Variants in HECW1 observed in about 807,000 individuals in gnomAD.
HECW1 encodes E3 ubiquitin-protein ligase HECW1.
Under a neutral mutation model 182.3 loss-of-function variants are expected in HECW1, and 61 were observed. That is an observed-to-expected ratio of 0.33 (90% CI 0.27 to 0.41). The LOEUF (loss-of-function observed/expected upper bound fraction) is 0.41, where lower values mean the gene tolerates loss of function less well. Ranked by LOEUF, HECW1 falls within the 10% of genes least tolerant of loss-of-function variation. The pLI, the probability that HECW1 is intolerant of heterozygous loss-of-function variation, is 1.00. For missense variants in HECW1, 1,739 were observed against 2,108.9 expected, an observed-to-expected ratio of 0.82 and a Z score of 3.44; for synonymous variants, 859 against 832.6, an observed-to-expected ratio of 1.03 and a Z score of -0.55.
chr7:43,119,238 T>G (rs575677900), intron 2 of HECW1: 67 of 152,366 alleles, frequency 4.4e-4, no homozygotes, highest in African/African-American at 1.5e-3. Context: ...CTGTTGTCAT[T>G]AGGGTCACCA....
At position 43,402,413 on chromosome 7, in the gene HECW1, T is replaced by A. The variant is rs1279039338; in HGVS notation, c.632-5149T>A. Among the ~76,000 whole-genome samples, 3 of 152,162 alleles carry A rather than the reference T, an allele frequency of 2.0e-5. No individual in the cohort carries two copies. The East Asian group carries it at 5.8e-4, about 29-fold the overall frequency. On this transcript the variant is annotated intron_variant, in intron 7 of 29. Transcript: ENST00000395891. ...GGTTTGAGCATACGAGCCACACCCC[T>A]GTTGCATGTCCTGTGAGGGGGGTCA...
chr7:43,119,568 G>A (rs570157565), intron 2 of HECW1, among the ~76,000 whole-genome samples: 1 of 152,236 alleles, frequency 6.6e-6, no homozygotes, highest in East Asian at 1.9e-4. Context: ...ATGATTCCAA[G>A]TTTATTTCGT....
At chr7:43,291,539 T>C (rs1272583195) in intron 3 of HECW1, among the ~76,000 whole-genome samples, 2 of 152,226 alleles carry the variant, frequency 1.3e-5, no homozygotes, top group East Asian at 3.8e-4. Flanking sequence ...AGCAGCTACA[T>C]AGGATAGGGC....
At chr7:43,315,796 G>A (rs1335476661) in intron 4 of HECW1, among the ~76,000 whole-genome samples, 2 of 152,096 alleles carry the variant, frequency 1.3e-5, no homozygotes, top group East Asian at 1.9e-4. Context: ...GCCTGGCCCT[G>A]TCCCATTATT....
intron 8 of HECW1, among the ~76,000 whole-genome samples, chr7:43,422,890 C>CG (rs2076234615): frequency 6.6e-6 from 1 of 151,196 alleles, no homozygotes; most frequent in African/African-American, 2.4e-5. Flanking sequence ...AGTGCCTGGC[C>CG]GAGAGTCGTC....
chr7:43,461,951 G>T (rs1207572219), intron 13 of HECW1, among the ~76,000 whole-genome samples: 1 of 152,210 alleles, frequency 6.6e-6, no homozygotes, highest in Non-Finnish European at 1.5e-5. Flanking sequence ...TAGAAATGCA[G>T]ATTTTTCTTT....
At chr7:43,128,189 T>C (rs569137951) in intron 2 of HECW1, among the ~76,000 whole-genome samples, 1 of 152,284 alleles carries the variant, frequency 6.6e-6, no homozygotes, top group Non-Finnish European at 1.5e-5. Context: ...CAAAAATAGA[T>C]TTTCAATGCA....
At position 43,438,158 on chromosome 7, in the gene HECW1, C is replaced by T; in HGVS notation, c.944+13C>T. On this transcript the variant is annotated intron_variant, in intron 9 of 29. Coordinates refer to ENST00000395891, the MANE Select transcript of HECW1 (RefSeq NM_015052.5). ...GACACGCCATAGGGTAAACCTGTGA[C>T]TGAGATCTTACTATCACTAGGTTCC... The T allele has an allele frequency of 1.2e-6, 2 of 1,609,062 alleles. No individual in the cohort carries two copies. Among genetic ancestry groups the T allele is most frequent in the Non-Finnish European group, 1.7e-6 (2 of 1,176,388 alleles).
intron 16 of HECW1, among the ~76,000 whole-genome samples, chr7:43,470,357 C>T (rs545140904): frequency 5.9e-5 from 9 of 152,342 alleles, no homozygotes; most frequent in African/African-American, 2.2e-4. Context: ...CCACCATGTT[C>T]ATCATGCAAA....
intron 24 of HECW1, among the ~76,000 whole-genome samples, chr7:43,526,489 A>G (rs1377216459): frequency 6.6e-6 from 1 of 152,200 alleles, no homozygotes; most frequent in Non-Finnish European, 1.5e-5. Flanking sequence ...GTTTAGCCCA[A>G]GTTGATTTTT....
chr7:43,491,746 C>G (rs936258187), intron 17 of HECW1, among the ~76,000 whole-genome samples: 7 of 152,172 alleles, frequency 4.6e-5, no homozygotes, highest in Non-Finnish European at 7.3e-5. Context: ...GCATCTGCCA[C>G]CACATCTGGC....
chr7:43,347,944 C>G (rs962797286), intron 5 of HECW1, among the ~76,000 whole-genome samples: 1 of 152,158 alleles, frequency 6.6e-6, no homozygotes. Context: ...AAGATTTTAG[C>G]ATCTATGTTC....
At chr7:43,181,857 C>T (rs1792892675) in intron 2 of HECW1, among the ~76,000 whole-genome samples, 1 of 150,586 alleles carries the variant, frequency 6.6e-6, no homozygotes, top group South Asian at 2.1e-4. Flanking sequence ...GTGCGATCTC[C>T]ACTCACTGCA....
rs945399677 is a variant in HECW1 at position 43,535,274 on chromosome 7, A to G, written c.4020-5889A>G. On this transcript the variant is annotated intron_variant, in intron 24 of 29. Coordinates refer to ENST00000395891, the MANE Select transcript of HECW1 (RefSeq NM_015052.5). ...ATGGGCTGGAAATGTGTGAAACTCA[A>G]TTACCTTTTGAACTCTCACTAAAAT... Among the ~76,000 whole-genome samples the G allele has an allele frequency of 6.6e-5, 10 of 152,310 alleles. No homozygotes were observed. The East Asian group carries it at 9.6e-4, about 15-fold the overall frequency.
At chr7:43,441,422 TC>T (rs1267427095) in intron 9 of HECW1, among the ~76,000 whole-genome samples, 3 of 152,198 alleles carry the variant, frequency 2.0e-5, no homozygotes, top group Non-Finnish European at 2.9e-5. Flanking sequence ...CATGACAGCA[TC>T]CTTTCTTAGA....
intron 2 of HECW1, among the ~76,000 whole-genome samples, chr7:43,159,958 C>T (rs546783170): frequency 2.0e-5 from 3 of 152,302 alleles, no homozygotes; most frequent in African/African-American, 7.2e-5. Flanking sequence ...CGATTACAGG[C>T]GTGAGCCACC....
intron 21 of HECW1, among the ~76,000 whole-genome samples, chr7:43,504,778 C>T (rs1057468011): frequency 3.9e-5 from 6 of 152,186 alleles, no homozygotes; most frequent in African/African-American, 1.2e-4. Flanking sequence ...TAGCAAATGA[C>T]GTCCTGTTTT....
In HECW1 at chr7:43,366,088, G is replaced by C. The variant is rs542527277; in HGVS notation, c.555+5108G>C. 6.0e-5 allele frequency among the ~76,000 whole-genome samples: 9 copies of C among 151,060 alleles called. No homozygotes were observed. In the South Asian group the frequency reaches 1.9e-3, roughly 32 times the overall value. On this transcript the variant is annotated intron_variant, in intron 6 of 29. Transcript: ENST00000395891. ...ACTGCACTCCAGCCTGGTCGACAGA[G>C]CAAGACTGTCTCACAAAAAAAAAAA... is the stretch of plus-strand genomic sequence containing the variant.
chr7:43,176,425 G>T (rs1792254650), intron 2 of HECW1, among the ~76,000 whole-genome samples: 2 of 152,148 alleles, frequency 1.3e-5, no homozygotes, highest in Admixed American at 1.3e-4. Context: ...CTAAGACTGG[G>T]TAATTTATAA....
Sources: allele counts gnomAD v4.1 joint callset (sites outside exome capture counted in the v4.1 genomes callset), GRCh38; gene constraint gnomAD v4.1.1; transcripts MANE v1.5; gene names NCBI Gene and HGNC (gene_info 2026-07-23, HGNC 2026-07-21).